The following LOC112694756 variants were observed in gnomAD, a reference collection of about 807,000 sequenced individuals.
the LOC112694756 span, among the ~76,000 whole-genome samples, chr16:30,058,581 G>C: frequency 6.6e-6 from 1 of 151,904 alleles, no homozygotes; most frequent in African/African-American, 2.4e-5. Context: ...CGCCTCTCGG[G>C]TTCAAGCGAT....
At chr16:30,064,227 G>A in the LOC112694756 span, 2 of 395,126 alleles carry the variant, frequency 5.1e-6, no homozygotes, top group Non-Finnish European at 8.9e-6. Flanking sequence ...CTCCGTCCAC[G>A]GACTCTCCGT....
At chr16:30,069,234 G>C in the LOC112694756 span, 1 of 1,534,212 alleles carries the variant, frequency 6.5e-7, no homozygotes, top group Non-Finnish European at 9.0e-7. Flanking sequence ...GTCTTGACCA[G>C]TGGCTGTGGA....
the LOC112694756 span, among the ~76,000 whole-genome samples, chr16:30,062,792 A>G: frequency 6.6e-6 from 1 of 151,460 alleles, no homozygotes; most frequent in African/African-American, 2.4e-5. Flanking sequence ...GTGAGTGGAG[A>G]TCACGCCATT....
the LOC112694756 span, chr16:30,069,056 T>C: frequency 6.3e-7 from 1 of 1,596,632 alleles, no homozygotes; most frequent in Non-Finnish European, 8.6e-7. Flanking sequence ...TTACCTGCCA[T>C]GATGCCTACC....
At chr16:30,062,927 G>A in the LOC112694756 span, among the ~76,000 whole-genome samples, 28 of 151,826 alleles carry the variant, frequency 1.8e-4, no homozygotes, top group South Asian at 5.8e-3. Flanking sequence ...TGGATCATCT[G>A]AGGCCAGGAG....
At chr16:30,053,763 T>G in the LOC112694756 span, among the ~76,000 whole-genome samples, 1 of 150,982 alleles carries the variant, frequency 6.6e-6, no homozygotes, top group African/African-American at 2.4e-5. Context: ...AGTCTGGGGG[T>G]GAGAGGGAGG....
chr16:30,057,977 G>A, the LOC112694756 span, among the ~76,000 whole-genome samples: 12 of 151,906 alleles, frequency 7.9e-5, no homozygotes, highest in Non-Finnish European at 1.6e-4. Flanking sequence ...TAGAGGAGAT[G>A]CTCCATTAGA....
chr16:30,058,414 T>C, the LOC112694756 span, among the ~76,000 whole-genome samples: 1 of 152,072 alleles, frequency 6.6e-6, no homozygotes, highest in Non-Finnish European at 1.5e-5. Context: ...TCAGCTGGAA[T>C]AGAAACCCAG....
the LOC112694756 span, among the ~76,000 whole-genome samples, chr16:30,065,368 C>G: frequency 6.6e-6 from 1 of 152,216 alleles, no homozygotes; most frequent in Non-Finnish European, 1.5e-5. Context: ...CGGCCCCGGG[C>G]CGCGCGCGCT....
At chr16:30,059,623 C>T in the LOC112694756 span, among the ~76,000 whole-genome samples, 19 of 148,696 alleles carry the variant, frequency 1.3e-4, 2 homozygotes, top group Admixed American at 4.7e-4. Context: ...AATGCGGTGG[C>T]GTAATCTCGG....
chr16:30,066,735 T>C, the LOC112694756 span: 1 of 829,714 alleles, frequency 1.2e-6, no homozygotes, highest in Non-Finnish European at 1.8e-6. Flanking sequence ...AAGAGCTGGG[T>C]TCTAATCTCA....
At chr16:30,055,043 A>G in the LOC112694756 span, 2 of 398,354 alleles carry the variant, frequency 5.0e-6, no homozygotes, top group Non-Finnish European at 4.4e-6. Context: ...CCTTGCATCT[A>G]TCCGTTTTGT....
chr16:30,067,800 C>A, the LOC112694756 span: 2 of 942,728 alleles, frequency 2.1e-6, no homozygotes, highest in Non-Finnish European at 3.3e-6. Context: ...GGCATTTACT[C>A]GACATTTTTA....
the LOC112694756 span, among the ~76,000 whole-genome samples, chr16:30,057,732 G>C: frequency 6.6e-6 from 1 of 152,208 alleles, no homozygotes; most frequent in Non-Finnish European, 1.5e-5. Context: ...TCAGGTTTGG[G>C]GCTGAGGGGC....
At chr16:30,054,867 C>T in the LOC112694756 span, 3 of 399,376 alleles carry the variant, frequency 7.5e-6, no homozygotes, top group Non-Finnish European at 8.8e-6. Flanking sequence ...TCGTCTTCAT[C>T]GCTGTGGGCA....
chr16:30,068,424 T>C, the LOC112694756 span: 2 of 624,086 alleles, frequency 3.2e-6, no homozygotes, highest in Non-Finnish European at 5.8e-6. Context: ...TGAGATGCAG[T>C]TTAAGGGATT....
At chr16:30,069,416 C>G in the LOC112694756 span, 2 of 1,614,000 alleles carry the variant, frequency 1.2e-6, no homozygotes, top group Non-Finnish European at 1.7e-6. Flanking sequence ...CTGACCAGTG[C>G]AAGGTGGCTG....
the LOC112694756 span, among the ~76,000 whole-genome samples, chr16:30,059,911 C>A: frequency 1.3e-5 from 2 of 152,012 alleles, no homozygotes; most frequent in African/African-American, 4.8e-5. Flanking sequence ...TACCAGGCAT[C>A]GTGCTTAGTT....
chr16:30,062,225 T>C, the LOC112694756 span, among the ~76,000 whole-genome samples: 3 of 147,528 alleles, frequency 2.0e-5, no homozygotes, highest in Admixed American at 6.8e-5. Flanking sequence ...AACAAATAGA[T>C]CTAATTCTTT....
Sources: gnomAD v4.1 joint callset for allele counts (sites outside exome capture counted in the v4.1 genomes callset) on GRCh38, gnomAD v4.1.1 for gene constraint, MANE v1.5 for transcripts.